TAOK1: variants seen among roughly 807,000 people sequenced by gnomAD.
The protein encoded by TAOK1 is serine/threonine-protein kinase TAO1.
In TAOK1, 21 loss-of-function variants were observed where a neutral mutation model predicts 138.3. The ratio of observed to expected loss-of-function variants is 0.15; its 90% CI spans 0.11 to 0.22. TAOK1 has a LOEUF of 0.22. Among genes scored for constraint, TAOK1 ranks in the 10% least tolerant of loss-of-function variants. The probability of loss-of-function intolerance (pLI) is 1.00; values close to 1 mark genes in which losing one functional copy is unlikely to be tolerated. For missense variants in TAOK1, 651 were observed against 1,227.7 expected (o/e 0.53, Z 7.02); for synonymous variants, 361 against 398.4 (o/e 0.91, Z 1.12).
intron 19 of TAOK1, among the ~76,000 whole-genome samples, chr17:29,538,923 C>G (rs1010321137): frequency 6.6e-6 from 1 of 151,980 alleles, no homozygotes; most frequent in African/African-American, 2.4e-5. Flanking sequence ...CAAGATTTCA[C>G]TTAGTATTAA....
Position 29,390,757 on chromosome 17 carries a change from C to T in TAOK1, c.-362C>T, listed in dbSNP as rs1021981897. 1.3e-5 allele frequency: 2 copies of T among 152,188 alleles called. No homozygotes were observed. Among genetic ancestry groups the T allele is most frequent in the African/African-American group, 2.4e-5 (1 of 41,344 alleles). The allele number at this position is 152,188 out of a possible 1,614,324, so 9.4% of individuals were successfully genotyped here. Reference sequence around the variant, plus strand: ...GCGGCGACGGAGACGGCTCCCGGCACTTCCCCGCGCCATCTTAACTGAGCC... The same window carrying T: ...GCGGCGACGGAGACGGCTCCCGGCATTTCCCCGCGCCATCTTAACTGAGCC... On this transcript the variant is annotated 5_prime_UTR_variant, in exon 1 of 20. Coordinates refer to ENST00000261716, the MANE Select transcript of TAOK1 (RefSeq NM_020791.4).
intron 8 of TAOK1, among the ~76,000 whole-genome samples, chr17:29,487,365 G>T (rs1027142460): frequency 1.3e-5 from 2 of 151,000 alleles, no homozygotes. Flanking sequence ...TTGAGATATT[G>T]TAGTAAATTT....
rs1460735764 is a variant in TAOK1 at position 29,530,601 on chromosome 17, A to G, written c.2343A>G (p.Glu781=). The G allele has an allele frequency of 6.2e-7, 1 of 1,614,140 alleles. No individual in the cohort carries two copies. Among genetic ancestry groups the G allele is most frequent in the Non-Finnish European group, 8.5e-7 (1 of 1,180,016 alleles). ...LAEQYDHSIN[E]MLSTQALRLD... is the part of the protein sequence containing the mutation. ...AGCAGTATGATCACAGCATTAATGA[A>G]ATGCTCTCCACACAAGCCGTGAGTT... is the stretch of plus-strand genomic sequence containing the variant. Residue 781 remains glutamate, a synonymous_variant, in exon 18 of 20, where the codon GAA becomes GAG. Transcript: ENST00000261716.
chr17:29,487,020 G>A (rs7216243), intron 8 of TAOK1, among the ~76,000 whole-genome samples: 28,068 of 151,838 alleles, frequency 0.18, 3,345 homozygotes, highest in East Asian at 0.65. Flanking sequence ...AGGCCAAGGC[G>A]GGCAGATCAC....
chr17:29,521,970 C>T (rs1312152124), intron 16 of TAOK1, among the ~76,000 whole-genome samples: 1 of 152,126 alleles, frequency 6.6e-6, no homozygotes, highest in Non-Finnish European at 1.5e-5. Flanking sequence ...GAAAGGATAA[C>T]TTAGGAGCCC....
chr17:29,476,036 C>T (rs1043851437), intron 4 of TAOK1, among the ~76,000 whole-genome samples: 2 of 152,144 alleles, frequency 1.3e-5, no homozygotes, highest in Non-Finnish European at 2.9e-5. Context: ...TTTAGTAGTA[C>T]CATTCAAACA....
At chr17:29,514,993 G>T (rs978117294) in intron 15 of TAOK1, 8 of 80,978 alleles carry the variant, frequency 9.9e-5, no homozygotes, top group South Asian at 5.1e-4. Flanking sequence ...AGTGAAATTC[G>T]ATCTAAAAAA....
chr17:29,494,594 A>T (rs1212802869), intron 10 of TAOK1, among the ~76,000 whole-genome samples: 2 of 152,122 alleles, frequency 1.3e-5, no homozygotes, highest in African/African-American at 4.8e-5. Flanking sequence ...TGGGAGGGCG[A>T]GGTGGGCGGA....
chr17:29,397,732 T>TGA (rs1904697428), intron 1 of TAOK1, among the ~76,000 whole-genome samples: 4 of 133,288 alleles, frequency 3.0e-5, no homozygotes, highest in African/African-American at 1.0e-4. Flanking sequence ...TGTATATACA[T>TGA]ATATACACGT....
intron 1 of TAOK1, among the ~76,000 whole-genome samples, chr17:29,405,387 T>G (rs1315868259): frequency 6.6e-6 from 1 of 152,248 alleles, no homozygotes; most frequent in Non-Finnish European, 1.5e-5. Context: ...AGTTTAATAC[T>G]CTTTTGAGAT....
rs977614015 is a variant in TAOK1 at position 29,463,656 on chromosome 17, G to A, written c.133-3489G>A. 3.9e-5 allele frequency among the ~76,000 whole-genome samples: 6 copies of A among 152,226 alleles called. No homozygotes were observed. In the South Asian group the frequency reaches 1.2e-3, roughly 32 times the overall value. The stretch of plus-strand genomic sequence containing the variant: ...TAATACTCTTAGAAGAAAATGTAGG[G>A]ATAAATCTGCATAACATTTGTTTTG... On this transcript the variant is annotated intron_variant, in intron 2 of 19. Coordinates refer to ENST00000261716, the MANE Select transcript of TAOK1 (RefSeq NM_020791.4).
At chr17:29,410,584 A>G (rs982781869) in intron 1 of TAOK1, among the ~76,000 whole-genome samples, 7 of 148,264 alleles carry the variant, frequency 4.7e-5, no homozygotes, top group African/African-American at 1.5e-4. Flanking sequence ...AGTACCTGGC[A>G]TATTGTGTTA....
At position 29,550,993 on chromosome 17, in the gene TAOK1, G is replaced by C. The variant is rs1453995258; in HGVS notation, c.*7971G>C. On this transcript the variant is annotated 3_prime_UTR_variant, in exon 20 of 20. Coordinates refer to ENST00000261716, the MANE Select transcript of TAOK1 (RefSeq NM_020791.4). The stretch of plus-strand genomic sequence containing the variant: ...AAAAAAGAAAATGCTTCAGTCAATT[G>C]CTTTTTTATTTAAAAAAAAAAAGAA... 1 of 139,304 alleles carries C rather than the reference G, an allele frequency of 7.2e-6. No homozygotes were observed. The highest frequency in any genetic ancestry group is 1.6e-5 in the Non-Finnish European group (1 of 61,674). The allele number at this position is 139,304 out of a possible 1,614,324, so 8.6% of individuals were successfully genotyped here. A position where few individuals can be genotyped will look rare whatever the true frequency, so the allele number is the denominator to read the frequency against.
intron 1 of TAOK1, among the ~76,000 whole-genome samples, chr17:29,395,718 C>CGTGATCACAGCGTATT: frequency 6.8e-6 from 1 of 147,112 alleles, no homozygotes; most frequent in Admixed American, 7.0e-5. Context: ...AATGCAATAG[C>CGTGATCACAGCGTATT]GTGATCACAG....
At chr17:29,450,025 CTCCT>C (rs1020637054) in intron 1 of TAOK1, among the ~76,000 whole-genome samples, 10 of 150,538 alleles carry the variant, frequency 6.6e-5, no homozygotes, top group African/African-American at 2.4e-4. Flanking sequence ...AGATTTTTTC[CTCCT>C]TCCTTCCTTT....
intron 12 of TAOK1, 114 bp downstream of exon 12, chr17:29,498,635 T>C: frequency 8.0e-7 from 1 of 1,242,848 alleles, no homozygotes; most frequent in East Asian, 2.5e-5. Flanking sequence ...GTTTGGAACA[T>C]GGCTGGGCTC....
At chr17:29,476,327 A>C (rs1257302630) in intron 4 of TAOK1, among the ~76,000 whole-genome samples, 1 of 152,198 alleles carries the variant, frequency 6.6e-6, no homozygotes, top group East Asian at 1.9e-4. Flanking sequence ...TAGTATACGT[A>C]CTGTAGATTT....
intron 1 of TAOK1, among the ~76,000 whole-genome samples, chr17:29,403,391 G>A (rs1002868838): frequency 6.6e-6 from 1 of 152,112 alleles, no homozygotes; most frequent in South Asian, 2.1e-4. Context: ...TCCGTTTTTA[G>A]ACTTGGGGAA....
intron 2 of TAOK1, among the ~76,000 whole-genome samples, chr17:29,457,041 C>CT (rs2030396650): frequency 7.2e-6 from 1 of 138,594 alleles, no homozygotes; most frequent in Non-Finnish European, 1.5e-5. Context: ...CCATATAGTT[C>CT]TATTTCTGTA....
Sources: allele counts gnomAD v4.1 joint callset (sites outside exome capture counted in the v4.1 genomes callset), GRCh38; gene constraint gnomAD v4.1.1; transcripts MANE v1.5; gene names NCBI Gene and HGNC (gene_info 2026-07-23, HGNC 2026-07-21).